The following ABCC12 variants were observed in gnomAD, a reference collection of about 807,000 sequenced individuals.
ABCC12 encodes ATP-binding cassette sub-family C member 12.
ABCC12 carries 142 observed loss-of-function variants against 151.1 expected under a neutral mutation model. That is an observed-to-expected ratio of 0.94 (90% confidence interval 0.82 to 1.08). The LOEUF (loss-of-function observed/expected upper bound fraction) is 1.08. Ranked by LOEUF, ABCC12 falls within the 50% of genes least tolerant of loss-of-function variation. The pLI is 0.00. For synonymous variants in ABCC12, 645 were observed against 646.4 expected (o/e 1.00, Z 0.03); for missense variants, 1,638 against 1,691.1 (o/e 0.97, Z 0.55).
intron 24 of ABCC12, among the ~76,000 whole-genome samples, chr16:48,096,490 G>C (rs1479025900): frequency 6.6e-6 from 1 of 152,156 alleles, no homozygotes; most frequent in African/African-American, 2.4e-5. Flanking sequence ...CTTCCTCTTT[G>C]CTGTAGACCC....
intron 8 of ABCC12, among the ~76,000 whole-genome samples, chr16:48,136,764 C>T (rs1964625002): frequency 6.6e-6 from 1 of 152,128 alleles, no homozygotes; most frequent in Non-Finnish European, 1.5e-5. Context: ...CAGGAGCGCA[C>T]TCCAGGCAAA....
chr16:48,140,314 C>A (rs916414495), intron 6 of ABCC12, among the ~76,000 whole-genome samples: 1 of 152,100 alleles, frequency 6.6e-6, no homozygotes, highest in Non-Finnish European at 1.5e-5. Context: ...GGTTTTGGCA[C>A]CCCCTATGCT....
At chr16:48,095,368 C>T (rs1963060692) in intron 24 of ABCC12, among the ~76,000 whole-genome samples, 1 of 152,158 alleles carries the variant, frequency 6.6e-6, no homozygotes, top group African/African-American at 2.4e-5. Flanking sequence ...GTCCATTAAA[C>T]TCCTTTTTCT....
intron 13 of ABCC12, among the ~76,000 whole-genome samples, chr16:48,120,550 AGTTTTTT>A (rs1432587636): frequency 6.7e-6 from 1 of 149,524 alleles, no homozygotes; most frequent in Non-Finnish European, 1.5e-5. Flanking sequence ...GGTATTAATG[AGTTTTTT>A]GTTTTTTTTT....
Position 48,139,468 on chromosome 16 carries a change from C to G in ABCC12, c.658-132G>C, listed in dbSNP as rs772853436. On this transcript the variant is annotated intron_variant, in intron 6 of 30. Transcript: ENST00000311303. The stretch of plus-strand genomic sequence containing the variant: ...ACTTCTCTAAAGCAGGAAGGGGTCA[C>G]CGGGGACCAATATGATGAGTTTTAT... The G allele has an allele frequency of 5.3e-5, 51 of 961,082 alleles. 1 individual carries two copies. The highest frequency in any genetic ancestry group is 6.1e-5 in the Non-Finnish European group (40 of 655,334). 59.5% of individuals were successfully genotyped at this position (961,082 alleles called of 1,614,324 possible).
At chr16:48,095,873 G>C (rs1963076802) in intron 24 of ABCC12, among the ~76,000 whole-genome samples, 1 of 152,176 alleles carries the variant, frequency 6.6e-6, no homozygotes, top group African/African-American at 2.4e-5. Context: ...GAGTTTCAGA[G>C]CACTAAGAAT....
chr16:48,090,709 T>TG (rs1343541711), intron 25 of ABCC12, among the ~76,000 whole-genome samples: 1 of 152,138 alleles, frequency 6.6e-6, no homozygotes, highest in East Asian at 1.9e-4. Flanking sequence ...TCGTCCGATT[T>TG]GGGGTTTTTT....
Position 48,087,927 on chromosome 16 carries a change from T to A in ABCC12, c.3634A>T (p.Arg1212Trp). 1.2e-6 allele frequency: 2 copies of A among 1,611,626 alleles called. No homozygotes were observed. Among genetic ancestry groups the A allele is most frequent in the Non-Finnish European group, 8.5e-7 (1 of 1,178,474 alleles). Residue 1212 changes from arginine to tryptophan, a missense_variant and splice_region_variant, in exon 27 of 31, where the codon AGG becomes TGG. Physicochemically the swap from Arg to Trp is moderately radical, Grantham distance 101. Coordinates refer to ENST00000311303, the MANE Select transcript of ABCC12 (RefSeq NM_001393797.1). ...TGCACAATGATTAAAAACAGCTACC[T>A]TACTGTACCTACAAACAGGACAGGA... ...QDPVLFVGTV[R>W]YNLDPFESHT...
chr16:48,115,434 A>T lies in ABCC12; in HGVS notation c.1970T>A (p.Leu657Gln), dbSNP rs1963843655. The T allele has an allele frequency of 1.2e-6, 2 of 1,614,050 alleles. No individual in the cohort carries two copies. Among genetic ancestry groups the T allele is most frequent in the East Asian group, 4.5e-5 (2 of 44,870 alleles). Residue 657 changes from leucine to glutamine, a missense_variant, in exon 15 of 31, where the codon CTG becomes CAG. By Grantham distance (113) the Leu-to-Gln change is moderately radical (BLOSUM62 -2). Transcript: ENST00000311303. ...CATCACCTGTAGCTGGTGGGTCACC[A>T]GGACGACTGTCTTTCCCCTGAGCGT... ...KKTLRGKTVV[L>Q]VTHQLQFLES...
At position 48,087,932 on chromosome 16, in the gene ABCC12, G is replaced by C; in HGVS notation, c.3629C>G (p.Thr1210Arg). 1 of 1,611,948 alleles carries C rather than the reference G, an allele frequency of 6.2e-7. No individual in the cohort carries two copies. The highest frequency in any genetic ancestry group is 1.1e-5 in the South Asian group (1 of 90,878). Reference sequence around the variant, plus strand: ...AATGATTAAAAACAGCTACCTTACTGTACCTACAAACAGGACAGGATCCTG... The same window carrying C: ...AATGATTAAAAACAGCTACCTTACTCTACCTACAAACAGGACAGGATCCTG... Reference protein sequence around the residue: ...IPQDPVLFVGTVRYNLDPFES... With the variant: ...IPQDPVLFVGRVRYNLDPFES... Residue 1210 changes from threonine to arginine, a missense_variant, in exon 27 of 31, where the codon ACA becomes AGA. By Grantham distance (71) the Thr-to-Arg change is moderately conservative (BLOSUM62 -1). Transcript: ENST00000311303.
chr16:48,083,962 G>A lies in ABCC12; in HGVS notation c.3940C>T (p.Arg1314Cys), dbSNP rs1323917420. The A allele has an allele frequency of 6.8e-6, 11 of 1,611,704 alleles. No individual in the cohort carries two copies. Among genetic ancestry groups the A allele is most frequent in the African/African-American group, 2.7e-5 (2 of 74,392 alleles). ...TCGCAGTTGAGAACTGTGTTGAGGC[G>A]GTGGGCGATGGTCAGCACAGTGCAG... ...KGCTVLTIAHRLNTVLNCDHV... is the reference protein window; with the variant it reads ...KGCTVLTIAHCLNTVLNCDHV... Residue 1314 changes from arginine (R) to cysteine (C), a missense_variant, in exon 30 of 31, where the codon CGC (arginine) becomes TGC (cysteine). Transcript: ENST00000311303.
chr16:48,137,784 T>C (rs1349063491), intron 8 of ABCC12, among the ~76,000 whole-genome samples: 1 of 152,240 alleles, frequency 6.6e-6, no homozygotes, highest in Non-Finnish European at 1.5e-5. Flanking sequence ...CATCTCCTCG[T>C]GTCTGCCCAA....
In ABCC12 at chr16:48,087,568, T is replaced by C. The variant is rs564089088; in HGVS notation, c.3635+358A>G. On this transcript the variant is annotated intron_variant, in intron 27 of 30. Transcript: ENST00000311303. ...TAACTATTTATTTTATTGTGCAAACTGGGACACTTTTCAGAGTGGCCATTG... is the reference window on the plus strand; with the variant it reads ...TAACTATTTATTTTATTGTGCAAACCGGGACACTTTTCAGAGTGGCCATTG... 16 of 189,194 alleles carry C rather than the reference T, an allele frequency of 8.5e-5. No individual in the cohort carries two copies. In the East Asian group the frequency reaches 1.9e-3, roughly 23 times the overall value. 11.7% of individuals were successfully genotyped at this position (189,194 alleles called of 1,614,324 possible). A position where few individuals can be genotyped will look rare whatever the true frequency, so the allele number is the denominator to read the frequency against.
chr16:48,139,220 A>T lies in ABCC12; in HGVS notation c.774T>A (p.Ile258=), dbSNP rs772455522. 3 of 1,614,076 alleles carry T rather than the reference A, an allele frequency of 1.9e-6. No homozygotes were observed. Among genetic ancestry groups the T allele is most frequent in the Non-Finnish European group, 2.5e-6 (3 of 1,179,992 alleles). The change falls in exon 7 of 31, where the codon ATT becomes ATA. Residue 258 remains isoleucine, a synonymous_variant. Transcript: ENST00000311303. ...TCCCGATGAGAGCTGTGGGCCCCAGAATGAAAAAGGCGTACGCCGCACAAA... is the reference window on the plus strand; with the variant it reads ...TCCCGATGAGAGCTGTGGGCCCCAGTATGAAAAAGGCGTACGCCGCACAAA... ...MVFCAAYAFF[I]LGPTALIGIS... is the part of the protein sequence containing the mutation.
At chr16:48,114,003 A>T (rs1261760774) in intron 15 of ABCC12, among the ~76,000 whole-genome samples, 1 of 152,156 alleles carries the variant, frequency 6.6e-6, no homozygotes, top group African/African-American at 2.4e-5. Context: ...TAGCATCCAG[A>T]CTGGGCCAGA....
intron 14 of ABCC12, among the ~76,000 whole-genome samples, chr16:48,116,642 T>G (rs115190882): frequency 0.011 from 1,629 of 152,202 alleles, 34 homozygotes; most frequent in African/African-American, 0.037. Context: ...TCCTTGGGGA[T>G]GCAGACTGAG....
At chr16:48,118,082 G>A (rs924926521) in intron 13 of ABCC12, among the ~76,000 whole-genome samples, 1 of 152,132 alleles carries the variant, frequency 6.6e-6, no homozygotes, top group Admixed American at 6.5e-5. Context: ...CCAGCTCTGC[G>A]GCAGCCAAGC....
intron 20 of ABCC12, among the ~76,000 whole-genome samples, chr16:48,105,711 G>A (rs948823098): frequency 5.3e-5 from 8 of 152,210 alleles, no homozygotes; most frequent in African/African-American, 1.4e-4. Flanking sequence ...CAGGCTGGAG[G>A]AGTAACCCTC....
At position 48,081,610 on chromosome 16, in the gene ABCC12, T is replaced by G. The variant is rs1238522004; in HGVS notation, c.*2105A>C. 6.6e-6 allele frequency among the ~76,000 whole-genome samples: 1 copy of G among 152,168 alleles called. No individual in the cohort carries two copies. The highest frequency in any genetic ancestry group is 1.9e-4 in the East Asian group (1 of 5,186). On this transcript the variant is annotated 3_prime_UTR_variant, in exon 31 of 31. Transcript: ENST00000311303. The stretch of plus-strand genomic sequence containing the variant: ...TCAAATCCCATCTCATGGGGTGAGA[T>G]GAGGATTCAGTGAAATAATTCATGG...
Sources: gnomAD v4.1 joint callset for allele counts (sites outside exome capture counted in the v4.1 genomes callset) on GRCh38, gnomAD v4.1.1 for gene constraint, MANE v1.5 for transcripts, NCBI Gene and HGNC (gene_info 2026-07-23, HGNC 2026-07-21) for gene names.